Variants in UNC5D observed in about 807,000 individuals in gnomAD.
The protein encoded by UNC5D is unc-5 netrin receptor D.
Under a neutral mutation model 105.4 loss-of-function variants are expected in UNC5D, and 39 were observed. That is an observed-to-expected ratio of 0.37 (90% CI 0.29 to 0.48). The LOEUF is 0.48. Ranked by LOEUF, UNC5D falls within the 20% of genes least tolerant of loss-of-function variation. UNC5D has a pLI of 0.98. For synonymous variants in UNC5D, 452 were observed against 450.4 expected (o/e 1.00, Z -0.04); for missense variants, 991 against 1,202.4 (o/e 0.82, Z 2.60).
chr8:35,419,828 G>A (rs1345850326), intron 1 of UNC5D, among the ~76,000 whole-genome samples: 1 of 152,124 alleles, frequency 6.6e-6, no homozygotes, highest in Non-Finnish European at 1.5e-5. Context: ...AGAAGAATGA[G>A]GTTGCATGGA....
chr8:35,480,759 G>A (rs768987199), intron 1 of UNC5D, among the ~76,000 whole-genome samples: 10 of 152,154 alleles, frequency 6.6e-5, no homozygotes, highest in East Asian at 3.9e-4. Flanking sequence ...CAAACAAATC[G>A]GGCAAGATAA....
rs928580222 is a variant in UNC5D at position 35,402,896 on chromosome 8, G to A, written c.104-146396G>A. The stretch of plus-strand genomic sequence containing the variant: ...ATTTCCCTAGGAGCTCTCCATATTC[G>A]TGCCTACCTTGGATCTGGTGCTGCC... On this transcript the variant is annotated intron_variant, in intron 1 of 16. Coordinates refer to ENST00000404895, the MANE Select transcript of UNC5D (RefSeq NM_080872.4). 2.2e-4 allele frequency among the ~76,000 whole-genome samples: 34 copies of A among 152,102 alleles called. 1 individual carries two copies. Among genetic ancestry groups the A allele is most frequent in the South Asian group, 2.1e-4 (1 of 4,814 alleles).
At chr8:35,776,777 A>G (rs1250111523) in intron 16 of UNC5D, among the ~76,000 whole-genome samples, 1 of 152,230 alleles carries the variant, frequency 6.6e-6, no homozygotes, top group East Asian at 1.9e-4. Flanking sequence ...TTCACAATCC[A>G]TGGCAAATCA....
At chr8:35,399,684 A>G (rs16883906) in intron 1 of UNC5D, among the ~76,000 whole-genome samples, 3,591 of 152,328 alleles carry the variant, frequency 0.024, 143 homozygotes, top group African/African-American at 0.083. Flanking sequence ...TAATTACAGG[A>G]TAAAGGCTTT....
intron 1 of UNC5D, among the ~76,000 whole-genome samples, chr8:35,501,238 AC>A (rs1811948069): frequency 6.6e-6 from 1 of 152,172 alleles, no homozygotes; most frequent in Non-Finnish European, 1.5e-5. Context: ...GTCAGAAAAA[AC>A]TTTTCCAGAG....
chr8:35,674,528 T>TAACA (rs1320254487), intron 4 of UNC5D, among the ~76,000 whole-genome samples: 3 of 152,232 alleles, frequency 2.0e-5, no homozygotes, highest in African/African-American at 7.2e-5. Flanking sequence ...TTAAATTAAC[T>TAACA]AACACATGTA....
chr8:35,613,880 G>A (rs1820852573), intron 4 of UNC5D, among the ~76,000 whole-genome samples: 1 of 152,064 alleles, frequency 6.6e-6, no homozygotes, highest in Non-Finnish European at 1.5e-5. Flanking sequence ...GCACATTTTG[G>A]TACCTATGCC....
chr8:35,236,003 T>A (rs921375638), intron 1 of UNC5D, 116 bp downstream of exon 1: 26 of 944,176 alleles, frequency 2.8e-5, no homozygotes, highest in Non-Finnish European at 3.6e-5. Context: ...ACCTCGGCGC[T>A]CCAAGCCCAA....
rs768328891 is a variant in UNC5D, at chr8:35,683,552, A to T, written c.576A>T (p.Glu192Asp). Residue 192 changes from glutamate to aspartate, a missense_variant, in exon 5 of 17, where the codon GAA becomes GAT. By Grantham distance (45) the Glu-to-Asp change is conservative. Around this residue, in one of 3 missense-constraint regions of UNC5D, gnomAD observed 944 missense variants for 1,131.6 expected, o/e 0.83. Transcript: ENST00000404895. Reference protein sequence around the residue: ...PPEGVPAAEVEWLKNEEPIDS... With the variant: ...PPEGVPAAEVDWLKNEEPIDS... Reference sequence around the variant, plus strand: ...ACATTCCTTTCTTCCTGTAGGTGGAATGGCTGAAAAATGAAGAGCCCATTG... The same window carrying T: ...ACATTCCTTTCTTCCTGTAGGTGGATTGGCTGAAAAATGAAGAGCCCATTG... The T allele has an allele frequency of 6.4e-7, 1 of 1,556,838 alleles. No homozygotes were observed. The highest frequency in any genetic ancestry group is 8.6e-7 in the Non-Finnish European group (1 of 1,160,386).
intron 1 of UNC5D, among the ~76,000 whole-genome samples, chr8:35,337,351 A>G (rs1160471913): frequency 2.0e-5 from 3 of 152,226 alleles, no homozygotes; most frequent in Non-Finnish European, 4.4e-5. Context: ...GAGACAGAGG[A>G]AACTTACTTG....
At chr8:35,393,368 C>T (rs1296365941) in intron 1 of UNC5D, among the ~76,000 whole-genome samples, 2 of 151,712 alleles carry the variant, frequency 1.3e-5, no homozygotes, top group Non-Finnish European at 2.9e-5. Flanking sequence ...CTCCTGACCT[C>T]GTGATCCGCC....
intron 7 of UNC5D, among the ~76,000 whole-genome samples, chr8:35,691,647 G>GT (rs1219110050): frequency 1.3e-5 from 2 of 152,158 alleles, no homozygotes. Context: ...TAATGATGTG[G>GT]TATGACTGTC....
chr8:35,513,342 C>T (rs1462101282), intron 1 of UNC5D, among the ~76,000 whole-genome samples: 2 of 151,764 alleles, frequency 1.3e-5, no homozygotes, highest in African/African-American at 4.8e-5. Flanking sequence ...GATTCTCCTG[C>T]CTCAGCATCC....
intron 11 of UNC5D, among the ~76,000 whole-genome samples, chr8:35,747,099 G>C (rs1830047356): frequency 6.6e-6 from 1 of 152,152 alleles, no homozygotes; most frequent in African/African-American, 2.4e-5. Flanking sequence ...TTGGACTGTG[G>C]TTACTTTTGT....
At chr8:35,466,234 A>T (rs1809296461) in intron 1 of UNC5D, among the ~76,000 whole-genome samples, 2 of 152,184 alleles carry the variant, frequency 1.3e-5, no homozygotes, top group African/African-American at 2.4e-5. Context: ...TCTAATAAAG[A>T]TGTCAAGGTC....
intron 4 of UNC5D, among the ~76,000 whole-genome samples, chr8:35,678,432 AT>A (rs959281405): frequency 7.9e-5 from 12 of 152,152 alleles, no homozygotes; most frequent in Admixed American, 2.0e-4. Context: ...AATAAAAGAG[AT>A]TTTTTTTAAG....
intron 1 of UNC5D, among the ~76,000 whole-genome samples, chr8:35,480,768 A>G (rs1306126211): frequency 6.6e-6 from 1 of 152,232 alleles, no homozygotes; most frequent in Non-Finnish European, 1.5e-5. Context: ...CGGGCAAGAT[A>G]AAGGAGATCA....
chr8:35,722,781 C>G (rs115952584), intron 9 of UNC5D, among the ~76,000 whole-genome samples: 1 of 152,092 alleles, frequency 6.6e-6, no homozygotes, highest in South Asian at 2.1e-4. Flanking sequence ...ATTACAGCCT[C>G]CCAGGTATAT....
chr8:35,549,914 T>G (rs1361697222), intron 2 of UNC5D, among the ~76,000 whole-genome samples: 1 of 151,972 alleles, frequency 6.6e-6, no homozygotes, highest in East Asian at 1.9e-4. Flanking sequence ...GATTTTATTC[T>G]TTGCACTTTA....
Sources: allele counts gnomAD v4.1 joint callset (sites outside exome capture counted in the v4.1 genomes callset), GRCh38; gene constraint gnomAD v4.1.1; regional missense constraint gnomAD v4.1.1; transcripts MANE v1.5; gene names NCBI Gene and HGNC (gene_info 2026-07-23, HGNC 2026-07-21).